Variants in PIDD1 observed in about 807,000 individuals in gnomAD.
The protein encoded by PIDD1 is p53-induced death domain-containing protein 1.
PIDD1 carries 72 observed loss-of-function variants against 80.0 expected under a neutral mutation model. The observed-to-expected ratio is 0.90, with a 90% CI of 0.74 to 1.09. PIDD1 has a LOEUF of 1.09. PIDD1 is among the 50% of genes least tolerant of loss of function. PIDD1 has a pLI of 0.00. For missense variants in PIDD1, 1,329 were observed against 1,228.3 expected (o/e 1.08, Z -1.23); for synonymous variants, 655 against 543.5 (o/e 1.21, Z -2.85).
chr11:804,336 T>C lies in PIDD1; in HGVS notation c.53A>G (p.Asp18Gly). 6.2e-7 allele frequency: 1 copy of C among 1,610,496 alleles called. No homozygotes were observed. Among genetic ancestry groups the C allele is most frequent in the Non-Finnish European group, 8.5e-7 (1 of 1,178,436 alleles). The change falls in exon 2 of 16, where the codon GAT becomes GGT. Residue 18 changes from aspartate to glycine, a missense_variant. By Grantham distance (94) the Asp-to-Gly change is moderately conservative. Coordinates refer to ENST00000347755, the MANE Select transcript of PIDD1 (RefSeq NM_145886.4). ...PELEAAAAAG[D>G]ASEDSDAGSR... Reference sequence around the variant, plus strand: ...CCCTGCGTCCGAATCCTCTGAAGCATCTCCTGCGGCAGCAGCTGCCTCCAG... The same window carrying C: ...CCCTGCGTCCGAATCCTCTGAAGCACCTCCTGCGGCAGCAGCTGCCTCCAG...
In PIDD1 at chr11:801,321, T is replaced by C; in HGVS notation, c.1527A>G (p.Glu509=). 6.2e-7 allele frequency: 1 copy of C among 1,607,256 alleles called. No homozygotes were observed. The highest frequency in any genetic ancestry group is 8.5e-7 in the Non-Finnish European group (1 of 1,176,846). ...GCAGGGGGCTCACTGCAGCCTCTGG[T>C]TCTCCCAGGAGGGCCTGCAGCTCTC... is the stretch of plus-strand genomic sequence containing the variant. ...AGRELQALLG[E]PEAAVSPLLC... The change falls in exon 9 of 16, where the codon GAA becomes GAG. Residue 509 remains glutamate, a synonymous_variant. Coordinates refer to ENST00000347755, the MANE Select transcript of PIDD1 (RefSeq NM_145886.4).
At chr11:800,067 A>G (rs1432074104) in intron 14 of PIDD1, 53 bp from the exon 15 acceptor site, 1 of 1,603,886 alleles carries the variant, frequency 6.2e-7, no homozygotes, top group East Asian at 2.2e-5. Flanking sequence ...CAACTCCACC[A>G]TGTCACCCTG....
chr11:804,004 G>T, intron 2 of PIDD1, 90 bp downstream of exon 2: 1 of 1,409,716 alleles, frequency 7.1e-7, no homozygotes, highest in Non-Finnish European at 9.6e-7. Flanking sequence ...CTGGAGCTGG[G>T]GCTGGGACTG....
Position 803,297 on chromosome 11 carries a change from G to T in PIDD1, c.586C>A (p.Leu196Met). The T allele has an allele frequency of 6.2e-7, 1 of 1,613,902 alleles. No individual in the cohort carries two copies. Among genetic ancestry groups the T allele is most frequent in the South Asian group, 1.1e-5 (1 of 91,080 alleles). ...LPPALGALST[L>M]QRLDLSQNLL... ...TTCTGAGAGAGATCGAGGCGCTGCA[G>T]GGTGGATAGGGCCCCCAGTGCTGGG... The change falls in exon 3 of 16, where the codon CTG (leucine) becomes ATG (methionine). Residue 196 changes from leucine to methionine, a missense_variant. By Grantham distance (15) the Leu-to-Met change is conservative (BLOSUM62 2). Coordinates refer to ENST00000347755, the MANE Select transcript of PIDD1 (RefSeq NM_145886.4).
At position 801,816 on chromosome 11, in the gene PIDD1, G is replaced by A. The variant is rs562540706; in HGVS notation, c.1302+149C>T. 4 of 1,126,838 alleles carry A rather than the reference G, an allele frequency of 3.5e-6. No homozygotes were observed. In the East Asian group the frequency reaches 1.1e-4, roughly 30 times the overall value. The allele number at this position is 1,126,838 out of a possible 1,614,324, so 69.8% of individuals were successfully genotyped here. On this transcript the variant is annotated intron_variant, in intron 7 of 15. Transcript: ENST00000347755. ...GGAAGCAGGATCCAGGAGGGACGGG[G>A]TGGGGTGGAAGGTGCCAGGGACATA...
chr11:805,674 T>A (rs1865733005), upstream of PIDD1: 1 of 985,348 alleles, frequency 1.0e-6, no homozygotes, highest in African/African-American at 1.7e-5. Context: ...AACGGCCTCC[T>A]CCGGGAAGCC....
At chr11:799,620 C>CA in intron 15 of PIDD1, 55 bp from the exon 16 acceptor site, 1 of 1,527,100 alleles carries the variant, frequency 6.5e-7, no homozygotes, top group Non-Finnish European at 8.8e-7. Flanking sequence ...CAGGACCCCC[C>CA]ACCACACTCT....
intron 2 of PIDD1, 133 bp from the exon 3 acceptor site, chr11:803,720 C>G (rs1205010408): frequency 1.9e-6 from 2 of 1,042,288 alleles, no homozygotes; most frequent in Admixed American, 2.4e-5. Context: ...CAGACAGGGA[C>G]AGACAGACAG....
intron 3 of PIDD1, 57 bp from the exon 4 acceptor site, chr11:802,948 C>T (rs1358102617): frequency 6.4e-6 from 9 of 1,404,250 alleles, no homozygotes; most frequent in Non-Finnish European, 7.8e-6. Flanking sequence ...CGCTGGGACA[C>T]TCCTGCTGCC....
In PIDD1 at chr11:801,630, A is replaced by AC. The variant is rs1554969642; in HGVS notation, c.1303-7_1303-6insG. The AC allele has an allele frequency of 6.7e-7, 1 of 1,494,562 alleles. No homozygotes were observed. Among genetic ancestry groups the AC allele is most frequent in the South Asian group, 1.2e-5 (1 of 82,088 alleles). 92.6% of individuals were successfully genotyped at this position (1,494,562 alleles called of 1,614,324 possible). A position where few individuals can be genotyped will look rare whatever the true frequency, so the allele number is the denominator to read the frequency against. ...TGGCAGTGAGCCCAGAGCCGCTGGG[A>AC]TGGGGGAGAGAGGAGGTCACAGGAG... On this transcript the variant is annotated splice_region_variant and splice_polypyrimidine_tract_variant and intron_variant, in intron 7 of 15. Transcript: ENST00000347755.
chr11:804,362 C>T lies in PIDD1; in HGVS notation c.27G>A (p.Glu9=), dbSNP rs1338640513. The T allele has an allele frequency of 2.5e-6, 4 of 1,601,832 alleles. No individual in the cohort carries two copies. In the South Asian group the frequency reaches 4.4e-5, roughly 18 times the overall value. MAATVEGP[E]LEAAAAAGDA... ...CTCCTGCGGCAGCAGCTGCCTCCAGCTCTGGCCCCTCCACCGTTGCAGCCA... is the reference window on the plus strand; with the variant it reads ...CTCCTGCGGCAGCAGCTGCCTCCAGTTCTGGCCCCTCCACCGTTGCAGCCA... Residue 9 remains glutamate (E), a synonymous_variant, in exon 2 of 16, where the codon GAG becomes GAA. Coordinates refer to ENST00000347755, the MANE Select transcript of PIDD1 (RefSeq NM_145886.4).
chr11:803,524 C>CCAGCGGG lies in PIDD1; in HGVS notation c.352_358dup (p.Gly120AlafsTer45), dbSNP rs1865552000. On this transcript the variant is annotated frameshift_variant, in exon 3 of 16. Coordinates refer to ENST00000347755, the MANE Select transcript of PIDD1 (RefSeq NM_145886.4). LOFTEE classifies it high-confidence loss of function. ...GGCCAGATGGGCCAGGCCACTCAGA[C>CCAGCGGG]CAGCGGGCAGGTTGGTCAGGGCACC... The CCAGCGGG allele has an allele frequency of 6.2e-7, 1 of 1,613,190 alleles. No homozygotes were observed. Among genetic ancestry groups the CCAGCGGG allele is most frequent in the Admixed American group, 1.7e-5 (1 of 59,992 alleles).
In PIDD1 at chr11:804,397, G is replaced by C; in HGVS notation, c.-9C>G. ...TCCACCGTTGCAGCCATCGCCCACC[G>C]ACGGTCCTTGGAGGCCAGACATGTC... On this transcript the variant is annotated 5_prime_UTR_variant, in exon 2 of 16. Coordinates refer to ENST00000347755, the MANE Select transcript of PIDD1 (RefSeq NM_145886.4). The C allele has an allele frequency of 6.3e-7, 1 of 1,578,552 alleles. No homozygotes were observed.
chr11:804,344 G>A lies in PIDD1; in HGVS notation c.45C>T (p.Ala15=), dbSNP rs935062332. 2.5e-5 allele frequency: 40 copies of A among 1,609,426 alleles called. No homozygotes were observed. The highest frequency in any genetic ancestry group is 5.3e-5 in the African/African-American group (4 of 74,890). Reference sequence around the variant, plus strand: ...CCGAATCCTCTGAAGCATCTCCTGCGGCAGCAGCTGCCTCCAGCTCTGGCC... The same window carrying A: ...CCGAATCCTCTGAAGCATCTCCTGCAGCAGCAGCTGCCTCCAGCTCTGGCC... ...VEGPELEAAA[A]AGDASEDSDA... Residue 15 remains alanine (A), a synonymous_variant, in exon 2 of 16, where the codon GCC becomes GCT. Coordinates refer to ENST00000347755, the MANE Select transcript of PIDD1 (RefSeq NM_145886.4).
At position 799,256 on chromosome 11, in the gene PIDD1, C is replaced by T. The variant is rs1400504575; in HGVS notation, c.*51G>A. The T allele has an allele frequency of 1.3e-6, 2 of 1,509,922 alleles. No homozygotes were observed. The highest frequency in any genetic ancestry group is 1.8e-6 in the Non-Finnish European group (2 of 1,129,344). 93.5% of individuals were successfully genotyped at this position (1,509,922 alleles called of 1,614,324 possible). A position where few individuals can be genotyped will look rare whatever the true frequency, so the allele number is the denominator to read the frequency against. ...CACTGGAGAGACTTGAAGGTGGGGG[C>T]TCTGCCCATCCACTGGGGAATATCT... On this transcript the variant is annotated 3_prime_UTR_variant, in exon 16 of 16. Transcript: ENST00000347755.
In PIDD1 at chr11:800,139, T is replaced by G; in HGVS notation, c.2266A>C (p.Lys756Gln). 1 of 1,610,248 alleles carries G rather than the reference T, an allele frequency of 6.2e-7. No individual in the cohort carries two copies. Among genetic ancestry groups the G allele is most frequent in the Non-Finnish European group, 8.5e-7 (1 of 1,179,074 alleles). Residue 756 changes from lysine to glutamine, a missense_variant, in exon 14 of 16, where the codon AAG (lysine) becomes CAG (glutamine). Transcript: ENST00000347755. ...DALWMATLPI[K>Q]LPRLRGSEGP... ...CTGTCCCTCAGTCCCACCGGCAGCT[T>G]GATGGGCAGAGTGGCCATCCACAGG...
chr11:803,137 C>T (rs765276535), intron 3 of PIDD1, 37 bp downstream of exon 3: 8 of 1,456,644 alleles, frequency 5.5e-6, no homozygotes, highest in South Asian at 2.5e-5. Context: ...GGGACCCTCC[C>T]GTGGGGCCAG....
chr11:802,483 G>C, intron 5 of PIDD1, 60 bp downstream of exon 5: 2 of 1,600,032 alleles, frequency 1.2e-6, no homozygotes, highest in Admixed American at 3.3e-5. Flanking sequence ...AGAAGGTGTC[G>C]GAGGGGCCAG....
Position 803,260 on chromosome 11 carries a change from G to A in PIDD1, c.623C>T (p.Thr208Met), listed in dbSNP as rs550179319. ...CAGGCCTCCAATCTCAGGAGGTAGC[G>A]TGTCCAGCAGATTCTGAGAGAGATC... ...RLDLSQNLLDTLPPEIGGLGS... is the reference protein window; with the variant it reads ...RLDLSQNLLDMLPPEIGGLGS... The change falls in exon 3 of 16, where the codon ACG becomes ATG. Residue 208 changes from threonine (T) to methionine (M), a missense_variant. Thr to Met is a moderately conservative substitution (Grantham distance 81). Transcript: ENST00000347755. The A allele has an allele frequency of 1.2e-5, 20 of 1,613,404 alleles. No homozygotes were observed. Among genetic ancestry groups the A allele is most frequent in the East Asian group, 1.1e-4 (5 of 44,882 alleles).
Sources: allele counts gnomAD v4.1 joint callset, GRCh38; gene constraint gnomAD v4.1.1; transcripts MANE v1.5; gene names NCBI Gene and HGNC (gene_info 2026-07-23, HGNC 2026-07-21).